Variants in FBXW8 observed in about 807,000 individuals in gnomAD.
FBXW8 encodes the protein F-box and WD repeat domain containing 8, also known as F-box/WD repeat-containing protein 8.
FBXW8 carries 57 observed loss-of-function variants against 65.3 expected under a neutral mutation model. The observed-to-expected ratio is 0.87, with a 90% confidence interval of 0.71 to 1.09. FBXW8 has a LOEUF of 1.09. Among genes scored for constraint, FBXW8 ranks in the 50% least tolerant of loss-of-function variants. The pLI, the probability that FBXW8 is intolerant of heterozygous loss-of-function variation, is 0.00. For synonymous variants in FBXW8, 308 were observed against 330.2 expected (o/e 0.93, Z 0.73); for missense variants, 777 against 814.8 (o/e 0.95, Z 0.57).
chr12:116,911,132 C>T lies in FBXW8; in HGVS notation c.95C>T (p.Ala32Val). 13 of 1,369,104 alleles carry T rather than the reference C, an allele frequency of 9.5e-6. No homozygotes were observed. The highest frequency in any genetic ancestry group is 1.2e-5 in the Non-Finnish European group (13 of 1,071,610). The allele number at this position is 1,369,104 out of a possible 1,614,324, so 84.8% of individuals were successfully genotyped here. A position where few individuals can be genotyped will look rare whatever the true frequency, so the allele number is the denominator to read the frequency against. The stretch of plus-strand genomic sequence containing the variant: ...AAGAAGCGGCGACGGCCCGAGGCTG[C>T]CGAGAGGCGGGCTCGGCGGCCGGAG... ...APKKRRRPEA[A>V]ERRARRPEVG... Residue 32 changes from alanine (A) to valine (V), a missense_variant, in exon 1 of 11, where the codon GCC becomes GTC. Transcript: ENST00000652555.
At chr12:116,944,415 C>G (rs934723734) in intron 2 of FBXW8, among the ~76,000 whole-genome samples, 2 of 152,142 alleles carry the variant, frequency 1.3e-5, no homozygotes, top group African/African-American at 4.8e-5. Context: ...TTCCTTCTTT[C>G]CGTCTCTGTC....
At chr12:116,912,275 A>G (rs1880020854) in intron 1 of FBXW8, among the ~76,000 whole-genome samples, 1 of 150,338 alleles carries the variant, frequency 6.7e-6, no homozygotes, top group South Asian at 2.1e-4. Context: ...GCAGCCTCAA[A>G]CTGCCTGGCT....
At chr12:116,955,272 C>T (rs908964911) in intron 4 of FBXW8, among the ~76,000 whole-genome samples, 8 of 152,242 alleles carry the variant, frequency 5.3e-5, no homozygotes, top group African/African-American at 1.7e-4. Flanking sequence ...AAGACCTGCA[C>T]CAGTTGTTTT....
chr12:117,009,198 C>T (rs563081101), intron 7 of FBXW8, among the ~76,000 whole-genome samples: 49 of 152,220 alleles, frequency 3.2e-4, no homozygotes, highest in Non-Finnish European at 5.9e-4. Flanking sequence ...ATAGTGAGAC[C>T]GCTTCTCTAC....
At chr12:116,991,709 A>G (rs1473069096) in intron 7 of FBXW8, among the ~76,000 whole-genome samples, 1 of 152,142 alleles carries the variant, frequency 6.6e-6, no homozygotes, top group Admixed American at 6.5e-5. Context: ...CATTTGGTTT[A>G]TATTTGTTTG....
At chr12:117,010,177 G>A in intron 7 of FBXW8, 146 bp from the exon 8 acceptor site, 1 of 1,259,984 alleles carries the variant, frequency 7.9e-7, no homozygotes, top group Non-Finnish European at 1.1e-6. Flanking sequence ...TCAGTAACCT[G>A]AAAAAGATCA....
intron 8 of FBXW8, among the ~76,000 whole-genome samples, chr12:117,017,490 T>G (rs932388136): frequency 6.6e-6 from 1 of 152,220 alleles, no homozygotes; most frequent in East Asian, 1.9e-4. Flanking sequence ...TTTTTCTAGT[T>G]GCCGTTTAAA....
chr12:116,945,264 A>G, intron 2 of FBXW8, 100 bp from the exon 3 acceptor site: 1 of 1,233,786 alleles, frequency 8.1e-7, no homozygotes, highest in Non-Finnish European at 1.1e-6. Context: ...TTATACTGCC[A>G]TAAACCCAGG....
intron 2 of FBXW8, 121 bp from the exon 3 acceptor site, chr12:116,945,243 A>G: frequency 1.1e-6 from 1 of 894,386 alleles, no homozygotes. Flanking sequence ...GTGTTTTGTT[A>G]ATGAGACATT....
intron 6 of FBXW8, chr12:116,986,582 C>A (rs370891359): frequency 1.3e-5 from 2 of 151,106 alleles, no homozygotes; most frequent in Non-Finnish European, 2.9e-5. Context: ...GAGCCGAGAT[C>A]GCCACTGCAG....
At chr12:116,925,559 GT>G (rs1217831878) in intron 1 of FBXW8, among the ~76,000 whole-genome samples, 1 of 152,036 alleles carries the variant, frequency 6.6e-6, no homozygotes, top group Non-Finnish European at 1.5e-5. Flanking sequence ...TTTTCCAGTG[GT>G]TACCAACATG....
intron 5 of FBXW8, among the ~76,000 whole-genome samples, chr12:116,967,723 T>C (rs1458627890): frequency 6.6e-6 from 1 of 152,200 alleles, no homozygotes; most frequent in Non-Finnish European, 1.5e-5. Context: ...TGGGAAATAA[T>C]CCTTGCCATA....
intron 5 of FBXW8, among the ~76,000 whole-genome samples, chr12:116,973,617 A>G (rs1307723876): frequency 6.6e-6 from 1 of 152,194 alleles, no homozygotes; most frequent in East Asian, 1.9e-4. Context: ...ACAAGCCCAA[A>G]CTGAGGGACA....
chr12:116,918,535 G>T lies in FBXW8; in HGVS notation c.318+7180G>T, dbSNP rs74625069. Among the ~76,000 whole-genome samples the T allele has an allele frequency of 8.7e-3, 1,321 of 152,260 alleles. 23 individuals are homozygous for T. Among genetic ancestry groups the T allele is most frequent in the African/African-American group, 0.029 (1,218 of 41,540 alleles). Reference sequence around the variant, plus strand: ...TTTTGTTGACTTTATTCACAGACAGGCTTTCCTCTTGGGGAAAAATGGCTA... The same window carrying T: ...TTTTGTTGACTTTATTCACAGACAGTCTTTCCTCTTGGGGAAAAATGGCTA... On this transcript the variant is annotated intron_variant, in intron 1 of 10. Coordinates refer to ENST00000652555, the MANE Select transcript of FBXW8 (RefSeq NM_153348.3).
At chr12:117,022,278 T>C (rs1430341703) in intron 8 of FBXW8, among the ~76,000 whole-genome samples, 1 of 152,032 alleles carries the variant, frequency 6.6e-6, no homozygotes, top group Non-Finnish European at 1.5e-5. Flanking sequence ...CTCATCTAAG[T>C]TTTCAGATTT....
rs778063449 is a variant in FBXW8 at position 116,988,830 on chromosome 12, T to C, written c.1200T>C (p.Phe400=). 3.1e-6 allele frequency: 5 copies of C among 1,614,014 alleles called. No homozygotes were observed. The East Asian group carries it at 1.1e-4, about 36-fold the overall frequency. ...CLDVSANQVA[F]GVQGLGWVYE... ...ACGTCTCGGCCAACCAAGTTGCTTTTGGTGTACAGGGTCTGGGATGGGTGT... is the reference window on the plus strand; with the variant it reads ...ACGTCTCGGCCAACCAAGTTGCTTTCGGTGTACAGGGTCTGGGATGGGTGT... Residue 400 remains phenylalanine (F), a synonymous_variant, in exon 7 of 11, where the codon TTT becomes TTC. Transcript: ENST00000652555.
chr12:116,962,070 A>G (rs888489374), intron 4 of FBXW8, among the ~76,000 whole-genome samples: 1 of 152,172 alleles, frequency 6.6e-6, no homozygotes, highest in Non-Finnish European at 1.5e-5. Flanking sequence ...CTTCTGTACC[A>G]GTGACCTGGG....
rs141777878 is a variant in FBXW8, at chr12:116,964,778, G to C, written c.759G>C (p.Glu253Asp). ...VAPFLESEDE[E>D]DEPGMQPNVS... is the part of the protein sequence containing the mutation. ...CCTTCCTGGAATCAGAGGACGAGGA[G>C]GATGAGCCTGGAATGCAGCCAAATG... Residue 253 changes from glutamate (E) to aspartate (D), a missense_variant, in exon 5 of 11, where the codon GAG becomes GAC. Coordinates refer to ENST00000652555, the MANE Select transcript of FBXW8 (RefSeq NM_153348.3). The C allele has an allele frequency of 1.4e-3, 2,266 of 1,613,450 alleles. 6 individuals are homozygous for C. Among genetic ancestry groups the C allele is most frequent in the Middle Eastern group, 6.3e-3 (35 of 5,526 alleles).
intron 7 of FBXW8, among the ~76,000 whole-genome samples, chr12:117,000,522 T>G (rs1168979609): frequency 6.6e-6 from 1 of 152,240 alleles, no homozygotes; most frequent in Non-Finnish European, 1.5e-5. Context: ...AGCTTCCGAC[T>G]CAGTGGGTCG....
Sources: gnomAD v4.1 joint callset for allele counts (sites outside exome capture counted in the v4.1 genomes callset) on GRCh38, gnomAD v4.1.1 for gene constraint, MANE v1.5 for transcripts, NCBI Gene and HGNC (gene_info 2026-07-23, HGNC 2026-07-21) for gene names.